The following TLL1 variants were observed in gnomAD, a reference collection of about 807,000 sequenced individuals.
TLL1 encodes tolloid like 1.
Under a neutral mutation model 128.2 loss-of-function variants are expected in TLL1, and 49 were observed. The ratio of observed to expected loss-of-function variants is 0.38; its 90% CI spans 0.30 to 0.48. The LOEUF (loss-of-function observed/expected upper bound fraction) is 0.48, where lower values mean the gene tolerates loss of function less well. Ranked by LOEUF, TLL1 falls within the 20% of genes least tolerant of loss-of-function variation. The pLI is 0.96. For synonymous variants in TLL1, 454 were observed against 418.8 expected (o/e 1.08, Z -1.03); for missense variants, 1,123 against 1,242.0 (o/e 0.90, Z 1.44).
At chr4:165,922,388 T>G (rs1230713912) in intron 1 of TLL1, among the ~76,000 whole-genome samples, 1 of 152,340 alleles carries the variant, frequency 6.6e-6, no homozygotes, top group Admixed American at 6.5e-5. Context: ...TTTGCCATCC[T>G]GTTATTACCC....
chr4:166,050,775 G>A (rs9992251), intron 12 of TLL1, among the ~76,000 whole-genome samples: 21,448 of 152,006 alleles, frequency 0.14, 3,230 homozygotes, highest in African/African-American at 0.38. Flanking sequence ...TAGAATGAGA[G>A]GTTGACCACT....
chr4:165,997,559 TG>T (rs1736942595), intron 5 of TLL1, among the ~76,000 whole-genome samples: 1 of 152,178 alleles, frequency 6.6e-6, no homozygotes, highest in African/African-American at 2.4e-5. Context: ...AAAATAATCT[TG>T]CCCATATTTA....
At chr4:166,016,153 A>G (rs1242170984) in intron 8 of TLL1, among the ~76,000 whole-genome samples, 2 of 152,020 alleles carry the variant, frequency 1.3e-5, no homozygotes, top group Admixed American at 6.6e-5. Context: ...TGTTTTATGT[A>G]TGTATGTAAG....
intron 1 of TLL1, among the ~76,000 whole-genome samples, chr4:165,913,529 G>A (rs1426978489): frequency 2.0e-5 from 3 of 152,194 alleles, no homozygotes; most frequent in Non-Finnish European, 2.9e-5. Flanking sequence ...TTGAAAATAT[G>A]TAAGTGCTGT....
intron 19 of TLL1, among the ~76,000 whole-genome samples, chr4:166,098,747 G>C (rs1742144486): frequency 6.6e-6 from 1 of 152,008 alleles, no homozygotes; most frequent in African/African-American, 2.4e-5. Context: ...ACGCAGAGGA[G>C]TTTTATATCT....
intron 1 of TLL1, among the ~76,000 whole-genome samples, chr4:165,976,847 A>C (rs1735906185): frequency 1.3e-5 from 2 of 152,242 alleles, no homozygotes; most frequent in African/African-American, 2.4e-5. Flanking sequence ...TGTGCAGCCC[A>C]GGATGGCTTT....
At chr4:165,989,531 A>G (rs1396164224) in intron 2 of TLL1, 40 bp downstream of exon 2, 2 of 1,431,064 alleles carry the variant, frequency 1.4e-6, no homozygotes, top group Non-Finnish European at 2.0e-6. Context: ...TTTATTTTGG[A>G]GAAAATATAC....
intron 1 of TLL1, among the ~76,000 whole-genome samples, chr4:165,938,345 C>A (rs962737845): frequency 1.2e-4 from 19 of 152,040 alleles, no homozygotes; most frequent in African/African-American, 4.6e-4. Flanking sequence ...TCCCAGTGTT[C>A]TGCAGTTTCT....
At chr4:166,084,620 A>G (rs565780681) in intron 18 of TLL1, among the ~76,000 whole-genome samples, 21 of 152,138 alleles carry the variant, frequency 1.4e-4, no homozygotes, top group Admixed American at 9.2e-4. Context: ...AGTTTTCCCA[A>G]TGCCATTAGA....
chr4:165,995,163 C>A lies in TLL1; in HGVS notation c.617C>A (p.Thr206Asn), dbSNP rs1261021495. Residue 206 changes from threonine (T) to asparagine (N), a missense_variant, in exon 5 of 21, where the codon ACC becomes AAC. Around this residue, in one of 3 missense-constraint regions of TLL1, gnomAD observed 480 missense variants for 542.4 expected, o/e 0.89. Transcript: ENST00000061240. ...GATGAAGAGAGTTACATTGTATTCA[C>A]CTATAGGCCTTGTGGGTAAGTAGAA... is the stretch of plus-strand genomic sequence containing the variant. ...RSDEESYIVF[T>N]YRPCGCCSYV... The A allele has an allele frequency of 1.1e-5, 18 of 1,612,416 alleles. No homozygotes were observed. Among genetic ancestry groups the A allele is most frequent in the Non-Finnish European group, 1.5e-5 (18 of 1,178,610 alleles).
intron 12 of TLL1, among the ~76,000 whole-genome samples, chr4:166,048,507 A>G (rs748566150): frequency 1.3e-5 from 2 of 152,206 alleles, no homozygotes; most frequent in Non-Finnish European, 2.9e-5. Flanking sequence ...AGACCAGTAT[A>G]CTGAAGTGAG....
chr4:166,087,948 C>T (rs1348916308), intron 18 of TLL1, among the ~76,000 whole-genome samples: 1 of 152,106 alleles, frequency 6.6e-6, no homozygotes, highest in African/African-American at 2.4e-5. Flanking sequence ...TGGTTATTCA[C>T]TTTATTTTTG....
chr4:166,065,639 T>G, intron 15 of TLL1, 44 bp from the exon 16 acceptor site: 2 of 1,584,126 alleles, frequency 1.3e-6, no homozygotes, highest in Non-Finnish European at 1.7e-6. Flanking sequence ...GTCAATCATC[T>G]TGTACTCACA....
At chr4:165,904,942 A>G (rs1732182263) in intron 1 of TLL1, among the ~76,000 whole-genome samples, 1 of 152,244 alleles carries the variant, frequency 6.6e-6, no homozygotes, top group South Asian at 2.1e-4. Flanking sequence ...GGAAAATGCA[A>G]ATTAAAGCCA....
At chr4:166,020,139 C>T (rs1293950537) in intron 8 of TLL1, among the ~76,000 whole-genome samples, 2 of 152,206 alleles carry the variant, frequency 1.3e-5, no homozygotes, top group South Asian at 4.1e-4. Context: ...TGCCACATCA[C>T]GTAGCCACAA....
At chr4:165,890,877 A>T (rs891135130) in intron 1 of TLL1, among the ~76,000 whole-genome samples, 7 of 152,116 alleles carry the variant, frequency 4.6e-5, no homozygotes, top group Non-Finnish European at 8.8e-5. Context: ...TTTTCCTTCC[A>T]TACTGCCCTA....
chr4:166,081,374 A>G (rs778320523), intron 18 of TLL1, among the ~76,000 whole-genome samples: 12 of 152,114 alleles, frequency 7.9e-5, no homozygotes, highest in Non-Finnish European at 1.6e-4. Context: ...GACTTTTCTC[A>G]TGGCAGTGAC....
intron 9 of TLL1, among the ~76,000 whole-genome samples, chr4:166,037,041 C>T (rs911551200): frequency 1.3e-5 from 2 of 152,022 alleles, no homozygotes; most frequent in Non-Finnish European, 2.9e-5. Flanking sequence ...CTGTTTGTGT[C>T]TATATTCAAG....
intron 1 of TLL1, among the ~76,000 whole-genome samples, chr4:165,985,567 T>C (rs1273813069): frequency 6.6e-6 from 1 of 151,932 alleles, no homozygotes; most frequent in Non-Finnish European, 1.5e-5. Flanking sequence ...TTTTCAGAAA[T>C]CACAAACTTA....
Sources: gnomAD v4.1 joint callset for allele counts (sites outside exome capture counted in the v4.1 genomes callset) on GRCh38, gnomAD v4.1.1 for gene constraint, gnomAD v4.1.1 regional missense constraint, MANE v1.5 for transcripts, NCBI Gene and HGNC (gene_info 2026-07-23, HGNC 2026-07-21) for gene names.